The following CYP7B1 variants were observed in gnomAD, a reference collection of about 807,000 sequenced individuals.
CYP7B1 encodes cytochrome P450 7B1.
CYP7B1 carries 29 observed loss-of-function variants against 42.7 expected under a neutral mutation model. The observed-to-expected ratio is 0.68, with a 90% CI of 0.51 to 0.93. The LOEUF (loss-of-function observed/expected upper bound fraction) is 0.93. Ranked by LOEUF, CYP7B1 falls within the 40% of genes least tolerant of loss-of-function variation. CYP7B1 has a pLI of 0.00. For synonymous variants in CYP7B1, 235 were observed against 218.2 expected (o/e 1.08, Z -0.68); for missense variants, 655 against 600.5 (o/e 1.09, Z -0.95).
chr8:64,795,234 A>T lies in CYP7B1; in HGVS notation c.122+3232T>A, dbSNP rs1180608132. On this transcript the variant is annotated intron_variant, in intron 1 of 5. Coordinates refer to ENST00000310193, the MANE Select transcript of CYP7B1 (RefSeq NM_004820.5). ...AAATAAGTTATACGCAAAAAAGGAT[A>T]CTGTATAATCCCATTTATATGAAGT... 3.3e-5 allele frequency among the ~76,000 whole-genome samples: 5 copies of T among 152,370 alleles called. No individual in the cohort carries two copies. In the South Asian group the frequency reaches 1.0e-3, roughly 32 times the overall value.
chr8:64,694,614 G>C (rs148291118), intron 1 of CYP7B1, among the ~76,000 whole-genome samples: 1 of 152,182 alleles, frequency 6.6e-6, no homozygotes, highest in Non-Finnish European at 1.5e-5. Flanking sequence ...CAATTTCACA[G>C]AATAATTTTG....
At chr8:64,696,596 T>C (rs1242085253) in intron 1 of CYP7B1, among the ~76,000 whole-genome samples, 1 of 152,162 alleles carries the variant, frequency 6.6e-6, no homozygotes, top group Non-Finnish European at 1.5e-5. Flanking sequence ...CCCAGTCTTT[T>C]TGGAATATGT....
At chr8:64,667,844 T>A (rs1339663134) in intron 1 of CYP7B1, among the ~76,000 whole-genome samples, 1 of 152,232 alleles carries the variant, frequency 6.6e-6, no homozygotes, top group Non-Finnish European at 1.5e-5. Context: ...CATTAGCAGC[T>A]ATAAATTCTA....
At chr8:64,658,346 T>G (rs1695602683) in intron 1 of CYP7B1, among the ~76,000 whole-genome samples, 1 of 152,146 alleles carries the variant, frequency 6.6e-6, no homozygotes, top group Non-Finnish European at 1.5e-5. Context: ...AAAACTAATA[T>G]TTATTCAGTA....
At chr8:64,623,706 T>C (rs1389138220) in intron 2 of CYP7B1, among the ~76,000 whole-genome samples, 2 of 152,184 alleles carry the variant, frequency 1.3e-5, no homozygotes, top group Non-Finnish European at 2.9e-5. Context: ...TGAAGTGCAA[T>C]GAAAGTTTTA....
intron 1 of CYP7B1, among the ~76,000 whole-genome samples, chr8:64,704,961 G>A (rs1040006794): frequency 3.9e-5 from 6 of 151,964 alleles, no homozygotes; most frequent in African/African-American, 1.5e-4. Context: ...TGCGTTAGAT[G>A]TGTTTAGACA....
intron 1 of CYP7B1, among the ~76,000 whole-genome samples, chr8:64,698,081 G>A (rs181781481): frequency 2.0e-5 from 3 of 152,272 alleles, no homozygotes; most frequent in Non-Finnish European, 2.9e-5. Context: ...AATTCCACCA[G>A]TTTTCCAATG....
At chr8:64,668,725 CAA>C (rs34797764) in intron 1 of CYP7B1, among the ~76,000 whole-genome samples, 13 of 86,670 alleles carry the variant, frequency 1.5e-4, no homozygotes, top group Admixed American at 2.4e-4. Flanking sequence ...GCATATTGAC[CAA>C]AAAAAAAAAA....
Position 64,603,309 on chromosome 8 carries a change from T to C in CYP7B1, c.1233+1373A>G, listed in dbSNP as rs142984634. 3.0e-4 allele frequency among the ~76,000 whole-genome samples: 45 copies of C among 152,312 alleles called. 1 individual carries two copies. In the East Asian group the frequency reaches 6.6e-3, roughly 22 times the overall value. ...TAAGTCTAAATCAAGGTATTTTTCA[T>C]CATGAGGGTAAGAAATAGGAGTCCA... On this transcript the variant is annotated intron_variant, in intron 5 of 5. Coordinates refer to ENST00000310193, the MANE Select transcript of CYP7B1 (RefSeq NM_004820.5).
At chr8:64,649,767 C>T (rs911846950) in intron 1 of CYP7B1, among the ~76,000 whole-genome samples, 15 of 152,172 alleles carry the variant, frequency 9.9e-5, no homozygotes, top group Non-Finnish European at 2.1e-4. Context: ...AAGTGTGAGG[C>T]AATATCCATT....
chr8:64,764,462 A>G (rs1807941603), intron 1 of CYP7B1, among the ~76,000 whole-genome samples: 1 of 152,196 alleles, frequency 6.6e-6, no homozygotes, highest in South Asian at 2.1e-4. Flanking sequence ...GTAGTAAAGA[A>G]AAAACAATGT....
intron 1 of CYP7B1, among the ~76,000 whole-genome samples, chr8:64,638,523 G>C (rs570522594): frequency 2.8e-4 from 43 of 152,198 alleles, no homozygotes; most frequent in African/African-American, 1.0e-3. Context: ...GTCATTTGGA[G>C]TAACATTTGT....
At chr8:64,603,858 AG>A (rs1805236822) in intron 5 of CYP7B1, among the ~76,000 whole-genome samples, 1 of 152,250 alleles carries the variant, frequency 6.6e-6, no homozygotes. Context: ...CATCTATCTT[AG>A]CAATTAGATT....
intron 1 of CYP7B1, among the ~76,000 whole-genome samples, chr8:64,640,034 A>G (rs1417380643): frequency 6.6e-6 from 1 of 152,192 alleles, no homozygotes; most frequent in Non-Finnish European, 1.5e-5. Flanking sequence ...CAAAAGCATT[A>G]TGCTAAGACA....
intron 1 of CYP7B1, among the ~76,000 whole-genome samples, chr8:64,696,579 T>C (rs1393676764): frequency 6.6e-6 from 1 of 152,184 alleles, no homozygotes; most frequent in Middle Eastern, 3.2e-3. Context: ...AGCCAGCTAC[T>C]CTGAGCCCCA....
Position 64,798,714 on chromosome 8 carries a change from G to T in CYP7B1, c.-127C>A. On this transcript the variant is annotated 5_prime_UTR_variant, in exon 1 of 6. Coordinates refer to ENST00000310193, the MANE Select transcript of CYP7B1 (RefSeq NM_004820.5). ...AGTCCAGGGCCGGAGAGGCTGGCCT[G>T]CCCGCAGCGCAGACAGGAATGTCAC... 1.9e-6 allele frequency: 2 copies of T among 1,056,896 alleles called. No individual in the cohort carries two copies. The highest frequency in any genetic ancestry group is 2.5e-6 in the Non-Finnish European group (2 of 788,690). The allele number at this position is 1,056,896 out of a possible 1,614,324, so 65.5% of individuals were successfully genotyped here.
At chr8:64,689,928 T>G (rs1806713301) in intron 1 of CYP7B1, among the ~76,000 whole-genome samples, 1 of 152,232 alleles carries the variant, frequency 6.6e-6, no homozygotes, top group Admixed American at 6.5e-5. Flanking sequence ...ATTACAGCTA[T>G]GTAATTACTA....
chr8:64,728,599 A>C (rs1226233999), intron 1 of CYP7B1, among the ~76,000 whole-genome samples: 1 of 152,232 alleles, frequency 6.6e-6, no homozygotes, highest in East Asian at 1.9e-4. Flanking sequence ...AAAGCATTGC[A>C]TTTCCTCATA....
downstream of CYP7B1, among the ~76,000 whole-genome samples, chr8:64,588,931 G>A (rs925188979): frequency 2.0e-5 from 3 of 152,122 alleles, no homozygotes; most frequent in Non-Finnish European, 4.4e-5. Context: ...CAGGAAGCAG[G>A]GTCAGTTAAT....
Sources: gnomAD v4.1 joint callset for allele counts (sites outside exome capture counted in the v4.1 genomes callset) on GRCh38, gnomAD v4.1.1 for gene constraint, MANE v1.5 for transcripts, NCBI Gene and HGNC (gene_info 2026-07-23, HGNC 2026-07-21) for gene names.